QKI: variants seen among roughly 807,000 people sequenced by gnomAD.
QKI encodes the protein QKI, KH domain containing RNA binding.
QKI carries 10 observed loss-of-function variants against 39.0 expected under a neutral mutation model. The ratio of observed to expected loss-of-function variants is 0.26; its 90% confidence interval spans 0.16 to 0.43. The LOEUF is 0.43. Among genes scored for constraint, QKI ranks in the 20% least tolerant of loss-of-function variants. The pLI is 1.00. For missense variants in QKI, 218 were observed against 428.0 expected, an observed-to-expected ratio of 0.51 and a Z score of 4.33; for synonymous variants, 204 against 155.4, an observed-to-expected ratio of 1.31 and a Z score of -2.33.
intron 1 of QKI, among the ~76,000 whole-genome samples, chr6:163,441,093 T>C (rs568480806): frequency 1.3e-3 from 200 of 152,300 alleles, no homozygotes; most frequent in African/African-American, 4.5e-3. Context: ...TGTGCAATCC[T>C]GGCAGGAGCA....
At chr6:163,445,668 G>T (rs1790097979) in intron 1 of QKI, among the ~76,000 whole-genome samples, 1 of 149,752 alleles carries the variant, frequency 6.7e-6, no homozygotes, top group Non-Finnish European at 1.5e-5. Context: ...AGGCTGGAGT[G>T]CAGGGGCACC....
At chr6:163,486,863 G>A (rs554274698) in intron 3 of QKI, among the ~76,000 whole-genome samples, 4 of 152,260 alleles carry the variant, frequency 2.6e-5, no homozygotes, top group South Asian at 2.1e-4. Context: ...GAATAGTAGA[G>A]CTTTATGCCT....
intron 3 of QKI, among the ~76,000 whole-genome samples, chr6:163,488,111 A>G (rs1382357187): frequency 2.0e-5 from 3 of 152,160 alleles, no homozygotes; most frequent in Non-Finnish European, 1.5e-5. Flanking sequence ...GTTTCCGTTC[A>G]TTGAAGATAT....
intron 2 of QKI, among the ~76,000 whole-genome samples, chr6:163,465,879 T>G (rs1791702583): frequency 6.6e-6 from 1 of 151,912 alleles, no homozygotes; most frequent in East Asian, 1.9e-4. Context: ...ATCCCAGAAC[T>G]TTGGGAGGCC....
At chr6:163,485,512 G>T (rs1054296168) in intron 3 of QKI, among the ~76,000 whole-genome samples, 4 of 152,208 alleles carry the variant, frequency 2.6e-5, no homozygotes, top group African/African-American at 9.6e-5. Context: ...CATGGTCATT[G>T]TAGGGGACAC....
chr6:163,535,581 A>T (rs957603846), intron 4 of QKI, among the ~76,000 whole-genome samples: 20 of 150,590 alleles, frequency 1.3e-4, no homozygotes, highest in Non-Finnish European at 2.8e-4. Context: ...TGGGCCATTA[A>T]TTTTTTTTTC....
chr6:163,533,895 T>C (rs1346946820), intron 3 of QKI, among the ~76,000 whole-genome samples: 1 of 152,252 alleles, frequency 6.6e-6, no homozygotes, highest in Non-Finnish European at 1.5e-5. Flanking sequence ...TTAGCCTTAT[T>C]GGCTAAGCTC....
At chr6:163,493,443 A>G (rs145430000) in intron 3 of QKI, among the ~76,000 whole-genome samples, 247 of 152,284 alleles carry the variant, frequency 1.6e-3, no homozygotes, top group African/African-American at 5.4e-3. Flanking sequence ...ATACTTTTTA[A>G]TGGTTATAAG....
chr6:163,569,120 A>T (rs958222511), intron 7 of QKI: 1 of 934,932 alleles, frequency 1.1e-6, no homozygotes, highest in African/African-American at 1.8e-5. Context: ...AATACCTGTG[A>T]AGTAGTATGA....
intron 1 of QKI, among the ~76,000 whole-genome samples, chr6:163,451,677 C>T (rs1011230814): frequency 1.3e-5 from 2 of 152,124 alleles, no homozygotes; most frequent in African/African-American, 4.8e-5. Context: ...ATTAAGCAAA[C>T]GGTTCTGAAC....
At chr6:163,466,813 T>C (rs1420110256) in intron 2 of QKI, among the ~76,000 whole-genome samples, 1 of 152,126 alleles carries the variant, frequency 6.6e-6, no homozygotes, top group East Asian at 1.9e-4. Flanking sequence ...ATACTGGTCT[T>C]GGTAATGATT....
At chr6:163,454,476 G>T (rs1315945166) in intron 1 of QKI, among the ~76,000 whole-genome samples, 3 of 152,016 alleles carry the variant, frequency 2.0e-5, no homozygotes, top group African/African-American at 7.2e-5. Context: ...ATCACCAGTG[G>T]CTTAGTGGTC....
rs1350160583 is a variant in QKI at position 163,438,954 on chromosome 6, T to C, written c.143-16325T>C. Among the ~76,000 whole-genome samples the C allele has an allele frequency of 3.3e-5, 5 of 152,184 alleles. No homozygotes were observed. In the South Asian group the frequency reaches 6.2e-4, roughly 19 times the overall value. On this transcript the variant is annotated intron_variant, in intron 1 of 7. Coordinates refer to ENST00000361752, the MANE Select transcript of QKI (RefSeq NM_006775.3). ...TACATTATACAGCTGTACAGAAATA[T>C]TTTCTTTATATCCTTATTCTATAAG...
At chr6:163,516,745 G>A (rs747483216) in intron 3 of QKI, among the ~76,000 whole-genome samples, 3 of 152,030 alleles carry the variant, frequency 2.0e-5, no homozygotes, top group Non-Finnish European at 4.4e-5. Context: ...AATAAAATAT[G>A]TTTTCATACT....
chr6:163,566,562 A>G lies in QKI; in HGVS notation c.935-159A>G, dbSNP rs117944322. 7.3e-3 allele frequency: 10,903 copies of G among 1,500,122 alleles called. 45 individuals are homozygous for G. Among genetic ancestry groups the G allele is most frequent in the Non-Finnish European group, 8.6e-3 (9,717 of 1,125,982 alleles). 92.9% of individuals were successfully genotyped at this position (1,500,122 alleles called of 1,614,324 possible). ...ATTAATAGATGCATATATACATGAC[A>G]TATTGTGGTTAATTTTAAAACTACT... On this transcript the variant is annotated intron_variant, in intron 6 of 7. Coordinates refer to ENST00000361752, the MANE Select transcript of QKI (RefSeq NM_006775.3).
At chr6:163,444,991 C>T (rs1467686869) in intron 1 of QKI, among the ~76,000 whole-genome samples, 1 of 152,106 alleles carries the variant, frequency 6.6e-6, no homozygotes, top group Non-Finnish European at 1.5e-5. Flanking sequence ...CCACTGCAGC[C>T]TCTACTTCCT....
Position 163,571,645 on chromosome 6 carries a change from C to T in QKI, c.*935C>T, listed in dbSNP as rs1469063673. On this transcript the variant is annotated 3_prime_UTR_variant, in exon 8 of 8. Transcript: ENST00000361752. The stretch of plus-strand genomic sequence containing the variant: ...AATGAACAAAAAGTAGATACTTTTA[C>T]TATACAAGGGTGCTGGTGCAGAAAA... The T allele has an allele frequency of 1.3e-5, 2 of 150,840 alleles. No individual in the cohort carries two copies. Among genetic ancestry groups the T allele is most frequent in the Non-Finnish European group, 3.0e-5 (2 of 67,792 alleles). The allele number at this position is 150,840 out of a possible 1,614,324, so 9.3% of individuals were successfully genotyped here.
At chr6:163,542,735 G>A (rs1451064416) in intron 4 of QKI, among the ~76,000 whole-genome samples, 1 of 151,904 alleles carries the variant, frequency 6.6e-6, no homozygotes, top group Non-Finnish European at 1.5e-5. Context: ...TTACTTTATA[G>A]GTATTTGAGA....
chr6:163,458,071 GTGT>G (rs955809831), intron 2 of QKI, among the ~76,000 whole-genome samples: 1 of 152,128 alleles, frequency 6.6e-6, no homozygotes, highest in Non-Finnish European at 1.5e-5. Flanking sequence ...TGCTTGGGAA[GTGT>G]TGTAAGATGT....
Sources: gnomAD v4.1 joint callset for allele counts (sites outside exome capture counted in the v4.1 genomes callset) on GRCh38, gnomAD v4.1.1 for gene constraint, MANE v1.5 for transcripts, NCBI Gene and HGNC (gene_info 2026-07-23, HGNC 2026-07-21) for gene names.